The following RMDN1 variants were observed in gnomAD, a reference collection of about 807,000 sequenced individuals.
RMDN1 encodes the protein regulator of microtubule dynamics 1.
A neutral mutation model predicts 48.9 loss-of-function variants in RMDN1; 48 were observed. That is an observed-to-expected ratio of 0.98 (90% confidence interval 0.78 to 1.25). RMDN1 has a LOEUF of 1.25. Ranked by LOEUF, RMDN1 falls within the 50% of genes most tolerant of loss-of-function variation. The pLI is 0.00. For synonymous variants in RMDN1, 148 were observed against 132.6 expected, an observed-to-expected ratio of 1.12 and a Z score of -0.80; for missense variants, 418 against 373.4, an observed-to-expected ratio of 1.12 and a Z score of -0.98.
chr8:86,477,176 C>T, intron 8 of RMDN1, 118 bp downstream of exon 8: 1 of 654,332 alleles, frequency 1.5e-6, no homozygotes, highest in Non-Finnish European at 2.4e-6. Flanking sequence ...TTTACAGTAT[C>T]TAGCACAAAA....
At chr8:86,505,403 G>A (rs1278169079) in intron 2 of RMDN1, 1 of 456,356 alleles carries the variant, frequency 2.2e-6, no homozygotes, top group South Asian at 1.5e-5. Flanking sequence ...GAGAGGAAAA[G>A]TAAGGCGCAG....
upstream of RMDN1, among the ~76,000 whole-genome samples, chr8:86,511,342 C>T (rs1327513805): frequency 2.7e-5 from 4 of 150,134 alleles, no homozygotes; most frequent in East Asian, 2.0e-4. Context: ...GGTGTGGTGG[C>T]GGGTGCCTGT....
chr8:86,477,210 T>C, intron 8 of RMDN1, 84 bp downstream of exon 8: 2 of 958,256 alleles, frequency 2.1e-6, no homozygotes, highest in Non-Finnish European at 1.5e-6. Flanking sequence ...AATAAACAAC[T>C]GCTTTAGACA....
At chr8:86,481,844 TG>T in intron 5 of RMDN1, 1 of 857,762 alleles carries the variant, frequency 1.2e-6, no homozygotes, top group Non-Finnish European at 1.7e-6. Context: ...GTGTGTTAGT[TG>T]GAGCAGTATT....
In RMDN1 at chr8:86,473,503, C is replaced by G; in HGVS notation, c.*805G>C. ...TAAACTGGCCAGGTGCGGTGGCTCA[C>G]GCCTGTAATCCCAGCAATTTGGGAG... On this transcript the variant is annotated 3_prime_UTR_variant, in exon 10 of 10. Coordinates refer to ENST00000406452, the MANE Select transcript of RMDN1 (RefSeq NM_016033.3). 1 of 981,696 alleles carries G rather than the reference C, an allele frequency of 1.0e-6. No individual in the cohort carries two copies. The highest frequency in any genetic ancestry group is 1.7e-5 in the African/African-American group (1 of 57,270). The allele number at this position is 981,696 out of a possible 1,614,324, so 60.8% of individuals were successfully genotyped here.
chr8:86,499,936 G>A (rs1460509537), intron 2 of RMDN1, among the ~76,000 whole-genome samples: 1 of 152,142 alleles, frequency 6.6e-6, no homozygotes, highest in Admixed American at 6.6e-5. Context: ...AAGCAATGGA[G>A]AAAAGAATCC....
intron 6 of RMDN1, among the ~76,000 whole-genome samples, chr8:86,479,469 T>A (rs1434700098): frequency 6.6e-6 from 1 of 152,202 alleles, no homozygotes; most frequent in African/African-American, 2.4e-5. Flanking sequence ...AGCAAATGAT[T>A]AACCTCCAAA....
At chr8:86,508,785 T>G, upstream of RMDN1, 1 of 1,373,652 alleles carries the variant, frequency 7.3e-7, no homozygotes, top group Non-Finnish European at 9.4e-7. Context: ...TGGTTTCCGG[T>G]GCACGGGCTT....
At chr8:86,501,535 T>C (rs1354105684) in intron 2 of RMDN1, among the ~76,000 whole-genome samples, 2 of 151,954 alleles carry the variant, frequency 1.3e-5, no homozygotes, top group African/African-American at 2.4e-5. Context: ...TAGGCAGGCA[T>C]GGTGGTGTGC....
intron 2 of RMDN1, among the ~76,000 whole-genome samples, chr8:86,496,771 G>A (rs1329666086): frequency 6.6e-6 from 1 of 152,072 alleles, no homozygotes; most frequent in Admixed American, 6.6e-5. Flanking sequence ...AGGATCTAAA[G>A]TTGACAATCA....
upstream of RMDN1, chr8:86,508,865 C>T (rs1819876788): frequency 2.6e-6 from 3 of 1,140,156 alleles, no homozygotes; most frequent in Admixed American, 4.5e-5. Context: ...GGACTGAGGC[C>T]GTGAGAGCGC....
chr8:86,498,152 AAC>A (rs1817666627), intron 2 of RMDN1, among the ~76,000 whole-genome samples: 1 of 152,192 alleles, frequency 6.6e-6, no homozygotes, highest in Non-Finnish European at 1.5e-5. Context: ...CAAACTAGAA[AAC>A]ACAGAAGAAA....
At chr8:86,510,641 C>G (rs1000776512), upstream of RMDN1, among the ~76,000 whole-genome samples, 1 of 152,116 alleles carries the variant, frequency 6.6e-6, no homozygotes, top group Non-Finnish European at 1.5e-5. Context: ...CCAGAAGCAC[C>G]CAGCTAAGCC....
At position 86,474,660 on chromosome 8, in the gene RMDN1, A is replaced by T. The variant is rs138949669; in HGVS notation, c.894+160T>A. The T allele has an allele frequency of 8.2e-5, 65 of 796,844 alleles. 1 individual carries two copies. The African/African-American group carries it at 9.3e-4, about 11-fold the overall frequency. The allele number at this position is 796,844 out of a possible 1,614,324, so 49.4% of individuals were successfully genotyped here. On this transcript the variant is annotated intron_variant, in intron 9 of 9. Transcript: ENST00000406452. Reference sequence around the variant, plus strand: ...GGTGATAGTAACTAAATTATTTCCTATATAGAAATATAAATGTCAATCAAT... The same window carrying T: ...GGTGATAGTAACTAAATTATTTCCTTTATAGAAATATAAATGTCAATCAAT...
In RMDN1 at chr8:86,496,011, G is replaced by GA. The variant is rs1026787812; in HGVS notation, c.248-7373dup. 1.8e-4 allele frequency among the ~76,000 whole-genome samples: 27 copies of GA among 151,292 alleles called. 1 individual carries two copies. The Middle Eastern group carries it at 0.02, about 114-fold the overall frequency. ...GGGGACTATATTCAACATCCTTAAA[G>GA]AAAAAAAAATTCCAACCAAGAATTT... On this transcript the variant is annotated intron_variant, in intron 2 of 9. Coordinates refer to ENST00000406452, the MANE Select transcript of RMDN1 (RefSeq NM_016033.3).
intron 2 of RMDN1, among the ~76,000 whole-genome samples, chr8:86,495,478 T>C (rs1280945103): frequency 1.3e-5 from 2 of 152,060 alleles, no homozygotes; most frequent in Non-Finnish European, 2.9e-5. Context: ...TGGGTATCCA[T>C]TCCCCAAGGT....
At chr8:86,511,246 G>A (rs892288173), upstream of RMDN1, among the ~76,000 whole-genome samples, 2 of 150,606 alleles carry the variant, frequency 1.3e-5, no homozygotes, top group Admixed American at 6.6e-5. Flanking sequence ...AGGCCAAAGC[G>A]GGCAGATCAC....
At chr8:86,513,710 C>A (rs1271816839) in intron 1 of RMDN1, among the ~76,000 whole-genome samples, 2 of 152,208 alleles carry the variant, frequency 1.3e-5, no homozygotes, top group Non-Finnish European at 2.9e-5. Context: ...AAATACATCA[C>A]AGAATCATGA....
chr8:86,489,598 G>A (rs1021108968), intron 2 of RMDN1, among the ~76,000 whole-genome samples: 1 of 152,130 alleles, frequency 6.6e-6, no homozygotes, highest in African/African-American at 2.4e-5. Context: ...TTGGGAGGCT[G>A]AGGTGGGAGG....
Sources: gnomAD v4.1 joint callset for allele counts (sites outside exome capture counted in the v4.1 genomes callset) on GRCh38, gnomAD v4.1.1 for gene constraint, MANE v1.5 for transcripts, NCBI Gene and HGNC (gene_info 2026-07-23, HGNC 2026-07-21) for gene names.